PRLR: variants seen among roughly 807,000 people sequenced by gnomAD.
PRLR encodes the protein prolactin receptor, also known as hPRL receptor.
PRLR carries 13 observed loss-of-function variants against 40.2 expected under a neutral mutation model. That is an observed-to-expected ratio of 0.32 (90% CI 0.21 to 0.51). The LOEUF (loss-of-function observed/expected upper bound fraction) is 0.51. Among genes scored for constraint, PRLR ranks in the 20% least tolerant of loss-of-function variants. PRLR has a pLI of 0.97. For missense variants in PRLR, 656 were observed against 747.3 expected, an observed-to-expected ratio of 0.88 and a Z score of 1.42; for synonymous variants, 269 against 278.7, an observed-to-expected ratio of 0.97 and a Z score of 0.35.
intron 5 of PRLR, among the ~76,000 whole-genome samples, chr5:35,079,963 G>T (rs1280983261): frequency 1.3e-5 from 2 of 152,158 alleles, no homozygotes; most frequent in East Asian, 3.8e-4. Flanking sequence ...AATAAATGGT[G>T]CTGGGAAAAC....
At chr5:35,126,736 GT>G (rs1234745664) in intron 1 of PRLR, among the ~76,000 whole-genome samples, 2 of 152,148 alleles carry the variant, frequency 1.3e-5, no homozygotes, top group East Asian at 3.8e-4. Context: ...TTGGATGATT[GT>G]GAATGTACAC....
At chr5:35,100,638 G>T (rs1207370455) in intron 2 of PRLR, among the ~76,000 whole-genome samples, 2 of 152,144 alleles carry the variant, frequency 1.3e-5, no homozygotes, top group Non-Finnish European at 2.9e-5. Flanking sequence ...CTAGGTTTGT[G>T]TAAGTACACT....
At chr5:35,120,438 T>G (rs1467395388) in intron 1 of PRLR, among the ~76,000 whole-genome samples, 1 of 152,226 alleles carries the variant, frequency 6.6e-6, no homozygotes, top group Non-Finnish European at 1.5e-5. Context: ...GAATATGTGC[T>G]AAATTGTGCC....
rs1167970414 is a variant in PRLR at position 35,068,717 on chromosome 5, TTTTTTTGTCATTATCC to T, written c.785+46_785+61del. The T allele has an allele frequency of 5.3e-5, 66 of 1,250,034 alleles. 1 individual carries two copies. Among genetic ancestry groups the T allele is most frequent in the Non-Finnish European group, 7.1e-5 (61 of 862,478 alleles). 77.4% of individuals were successfully genotyped at this position (1,250,034 alleles called of 1,614,324 possible). ...CAGGTTTCCATCATCTTTGTATTTT[TTTTTTTGTCATTATCC>T]TTGACTATCATGATTGGGAGGAAAA... On this transcript the variant is annotated intron_variant, in intron 8 of 9. Transcript: ENST00000618457.
chr5:35,100,645 C>T (rs1398024728), intron 2 of PRLR, among the ~76,000 whole-genome samples: 2 of 152,138 alleles, frequency 1.3e-5, no homozygotes, highest in Admixed American at 6.6e-5. Flanking sequence ...TGTGTAAGTA[C>T]ACTTTATGAT....
chr5:35,190,008 G>A (rs937538438), intron 1 of PRLR, among the ~76,000 whole-genome samples: 10 of 152,154 alleles, frequency 6.6e-5, no homozygotes, highest in Non-Finnish European at 1.5e-4. Context: ...GAAATGAGAT[G>A]CAGGAATTCA....
chr5:35,115,057 A>G (rs561199601), intron 2 of PRLR, among the ~76,000 whole-genome samples: 149 of 152,352 alleles, frequency 9.8e-4, no homozygotes, highest in African/African-American at 3.4e-3. Flanking sequence ...GAAATGTCCA[A>G]TGGATTTCCT....
chr5:35,107,809 G>A (rs903226930), intron 2 of PRLR, among the ~76,000 whole-genome samples: 1 of 152,164 alleles, frequency 6.6e-6, no homozygotes, highest in African/African-American at 2.4e-5. Context: ...AAGAAGAGCT[G>A]ATACCATTCC....
chr5:35,085,925 G>C (rs903373213), intron 4 of PRLR, among the ~76,000 whole-genome samples: 1 of 152,090 alleles, frequency 6.6e-6, no homozygotes, highest in African/African-American at 2.4e-5. Context: ...TGAAGTCTCA[G>C]GGTGAGGAGA....
At chr5:35,227,832 T>C (rs1776589337) in intron 1 of PRLR, among the ~76,000 whole-genome samples, 1 of 152,216 alleles carries the variant, frequency 6.6e-6, no homozygotes, top group Admixed American at 6.5e-5. Flanking sequence ...CTTCTTTCCA[T>C]GCCTGGCTGT....
intron 2 of PRLR, among the ~76,000 whole-genome samples, chr5:35,109,295 A>T (rs1030332967): frequency 1.3e-4 from 20 of 152,270 alleles, no homozygotes; most frequent in African/African-American, 3.6e-4. Flanking sequence ...ACCATTCAGG[A>T]TATAGGCATG....
intron 2 of PRLR, among the ~76,000 whole-genome samples, chr5:35,091,967 C>G (rs924090184): frequency 1.3e-5 from 2 of 152,116 alleles, no homozygotes; most frequent in African/African-American, 4.8e-5. Context: ...ATCAGACCTT[C>G]CTGGTGAGGT....
At chr5:35,053,271 T>C (rs1443068555), downstream of PRLR, among the ~76,000 whole-genome samples, 11 of 152,180 alleles carry the variant, frequency 7.2e-5, no homozygotes, top group Admixed American at 7.2e-4. Context: ...GTGATACCGT[T>C]GTAAAAATTG....
At chr5:35,055,481 TTTC>T (rs1416473789), downstream of PRLR, among the ~76,000 whole-genome samples, 4 of 152,120 alleles carry the variant, frequency 2.6e-5, no homozygotes, top group East Asian at 7.7e-4. Context: ...AGCACAAAAA[TTTC>T]TGCCTGAAAA....
intron 1 of PRLR, among the ~76,000 whole-genome samples, chr5:35,153,561 G>A (rs1293792498): frequency 6.6e-6 from 1 of 152,158 alleles, no homozygotes; most frequent in Non-Finnish European, 1.5e-5. Flanking sequence ...TATATAACAA[G>A]CAAATAGAGG....
chr5:35,086,121 G>A (rs1770833928), intron 4 of PRLR, 87 bp downstream of exon 4: 1 of 1,508,606 alleles, frequency 6.6e-7, no homozygotes, highest in Non-Finnish European at 9.1e-7. Flanking sequence ...ATTCAGGGAT[G>A]TGCTGTCACT....
intron 1 of PRLR, among the ~76,000 whole-genome samples, chr5:35,165,729 T>C (rs1774804274): frequency 6.6e-6 from 1 of 152,210 alleles, no homozygotes; most frequent in South Asian, 2.1e-4. Flanking sequence ...ATGTGAAGTA[T>C]TTACTGAAAG....
At chr5:35,107,272 C>G (rs181755690) in intron 2 of PRLR, among the ~76,000 whole-genome samples, 150 of 152,264 alleles carry the variant, frequency 9.9e-4, no homozygotes, top group African/African-American at 3.4e-3. Context: ...CAAGAGAAAG[C>G]AGGAAAGATC....
At chr5:35,133,165 A>G (rs957324973) in intron 1 of PRLR, among the ~76,000 whole-genome samples, 5 of 152,098 alleles carry the variant, frequency 3.3e-5, no homozygotes, top group Admixed American at 3.3e-4. Context: ...GTGGAGTGGG[A>G]GCTACACTAT....
Sources: allele counts gnomAD v4.1 joint callset (sites outside exome capture counted in the v4.1 genomes callset), GRCh38; gene constraint gnomAD v4.1.1; transcripts MANE v1.5; gene names NCBI Gene and HGNC (gene_info 2026-07-23, HGNC 2026-07-21).